HSD17B6: variants seen among roughly 807,000 people sequenced by gnomAD.
HSD17B6 encodes hydroxysteroid 17-beta dehydrogenase 6.
HSD17B6 carries 16 observed loss-of-function variants against 26.4 expected under a neutral mutation model. The ratio of observed to expected loss-of-function variants is 0.61; its 90% CI spans 0.41 to 0.92. The LOEUF is 0.92. Ranked by LOEUF, HSD17B6 falls within the 40% of genes least tolerant of loss-of-function variation. The pLI is 0.00. For missense variants in HSD17B6, 357 were observed against 386.1 expected (o/e 0.92, Z 0.63); for synonymous variants, 139 against 153.0 (o/e 0.91, Z 0.68).
intron 2 of HSD17B6, among the ~76,000 whole-genome samples, chr12:56,774,979 G>A (rs781698265): frequency 7.2e-5 from 11 of 152,096 alleles, no homozygotes; most frequent in Non-Finnish European, 1.6e-4. Flanking sequence ...AGGGAATAAT[G>A]ACAAGGAAAA....
Position 56,778,155 on chromosome 12 carries a change from T to C in HSD17B6, c.314-3819T>C, listed in dbSNP as rs536258629. Among the ~76,000 whole-genome samples the C allele has an allele frequency of 7.9e-5, 12 of 152,352 alleles. No homozygotes were observed. In the East Asian group the frequency reaches 2.1e-3, roughly 27 times the overall value. ...TCTATTACCCTTTTTATCTGTGCCC[T>C]TGGTTTCTTACTCCTCACATTTGAA... On this transcript the variant is annotated intron_variant, in intron 2 of 4. Transcript: ENST00000322165.
intron 3 of HSD17B6, among the ~76,000 whole-genome samples, chr12:56,783,047 A>G (rs911574568): frequency 2.0e-5 from 3 of 152,232 alleles, no homozygotes; most frequent in South Asian, 2.1e-4. Context: ...ACTTCTTTCT[A>G]CACAGACACG....
At chr12:56,787,092 A>G (rs763795599) in intron 4 of HSD17B6, 33 bp from the exon 5 acceptor site, 2 of 1,492,576 alleles carry the variant, frequency 1.3e-6, no homozygotes, top group South Asian at 2.3e-5. Flanking sequence ...AAGGAATAAG[A>G]TTGTTGACCA....
chr12:56,764,068 C>CAAAAAAAAAAAAAAAAAAAAAAAA (rs71081400), intron 1 of HSD17B6, among the ~76,000 whole-genome samples: 6 of 74,334 alleles, frequency 8.1e-5, no homozygotes, highest in Non-Finnish European at 1.2e-4. Context: ...GACCGTGTCT[C>CAAAAAAAAAAAAAAAAAAAAAAAA]AAAAAAAAAA....
chr12:56,777,364 A>AATTTTTT (rs1954614090), intron 2 of HSD17B6, among the ~76,000 whole-genome samples: 1 of 96,134 alleles, frequency 1.0e-5, no homozygotes, highest in South Asian at 2.7e-4. Flanking sequence ...CCAAAGTGTA[A>AATTTTTT]ATTTTTTTTT....
At chr12:56,783,256 C>A (rs1212221000) in intron 3 of HSD17B6, among the ~76,000 whole-genome samples, 2 of 149,072 alleles carry the variant, frequency 1.3e-5, no homozygotes, top group Non-Finnish European at 1.5e-5. Context: ...ACGGGGTGGC[C>A]GGGCGGGGGG....
Position 56,787,211 on chromosome 12 carries a change from G to A in HSD17B6, c.823G>A (p.Val275Met), listed in dbSNP as rs764849371. ...CTGCATGGAACATGCTCTGACATCG[G>A]TGCATCCGCGAACTCGATATTCAGC... Reference protein sequence around the residue: ...TDCMEHALTSVHPRTRYSAGW... With the variant: ...TDCMEHALTSMHPRTRYSAGW... Residue 275 changes from valine (V) to methionine (M), a missense_variant, in exon 5 of 5, where the codon GTG (valine) becomes ATG (methionine). Physicochemically the swap from Val to Met is conservative, Grantham distance 21 (BLOSUM62 1). Transcript: ENST00000322165. The A allele has an allele frequency of 5.0e-6, 8 of 1,614,024 alleles. No individual in the cohort carries two copies. In the African/African-American group the frequency reaches 6.7e-5, roughly 13 times the overall value.
In HSD17B6 at chr12:56,775,706, A is replaced by G. The variant is rs1266416631; in HGVS notation, c.313+1541A>G. 2.6e-5 allele frequency among the ~76,000 whole-genome samples: 4 copies of G among 152,220 alleles called. No individual in the cohort carries two copies. In the East Asian group the frequency reaches 7.7e-4, roughly 29 times the overall value. ...CAATGTTGATATGTTATCGTTAACT[A>G]AAGTCCATAGTTTACATTAGGGTTC... is the stretch of plus-strand genomic sequence containing the variant. On this transcript the variant is annotated intron_variant, in intron 2 of 4. Coordinates refer to ENST00000322165, the MANE Select transcript of HSD17B6 (RefSeq NM_003725.4).
chr12:56,785,349 A>G (rs1019362643), intron 4 of HSD17B6, among the ~76,000 whole-genome samples: 9 of 152,192 alleles, frequency 5.9e-5, no homozygotes, highest in Non-Finnish European at 1.3e-4. Flanking sequence ...ACATGTGGAG[A>G]TTATGGGACT....
intron 1 of HSD17B6, among the ~76,000 whole-genome samples, chr12:56,773,455 T>C (rs1954520287): frequency 1.3e-5 from 2 of 152,220 alleles, no homozygotes; most frequent in Admixed American, 6.5e-5. Context: ...TCTCAAGAAG[T>C]TCTGTGCTGC....
intron 1 of HSD17B6, among the ~76,000 whole-genome samples, chr12:56,766,195 C>A (rs1444046333): frequency 1.3e-5 from 2 of 152,048 alleles, no homozygotes; most frequent in Non-Finnish European, 1.5e-5. Flanking sequence ...AATGACCCCA[C>A]CCCATCTCCC....
intron 1 of HSD17B6, among the ~76,000 whole-genome samples, chr12:56,772,925 C>T (rs1482246462): frequency 6.6e-6 from 1 of 152,064 alleles, no homozygotes; most frequent in African/African-American, 2.4e-5. Flanking sequence ...CATAGACTAG[C>T]CTCATGCAGG....
chr12:56,787,474 A>T lies in HSD17B6; in HGVS notation c.*132A>T. The stretch of plus-strand genomic sequence containing the variant: ...TGCCTAAATTCATTTATCTGGCATC[A>T]TCAGAGTACTAACATGTTTATATTT... On this transcript the variant is annotated 3_prime_UTR_variant, in exon 5 of 5. Coordinates refer to ENST00000322165, the MANE Select transcript of HSD17B6 (RefSeq NM_003725.4). 1.6e-6 allele frequency: 1 copy of T among 634,328 alleles called. No individual in the cohort carries two copies. Among genetic ancestry groups the T allele is most frequent in the Non-Finnish European group, 2.8e-6 (1 of 361,298 alleles). 39.3% of individuals were successfully genotyped at this position (634,328 alleles called of 1,614,324 possible).
Position 56,769,460 on chromosome 12 carries a change from G to C in HSD17B6, c.-19-4374G>C, listed in dbSNP as rs144452131. On this transcript the variant is annotated intron_variant, in intron 1 of 4. Transcript: ENST00000322165. ...CAAGCAATGATGAAGCCCAAGATGG[G>C]GATCAGACCTGAAATAAACAGTGGA... 3.7e-4 allele frequency among the ~76,000 whole-genome samples: 57 copies of C among 152,198 alleles called. No homozygotes were observed. In the East Asian group the frequency reaches 0.011, roughly 28 times the overall value.
intron 2 of HSD17B6, among the ~76,000 whole-genome samples, chr12:56,775,345 T>C (rs1390925752): frequency 6.6e-6 from 1 of 152,148 alleles, no homozygotes; most frequent in Non-Finnish European, 1.5e-5. Flanking sequence ...ACCCTTTCAA[T>C]TAGCTGGGAT....
chr12:56,767,850 T>C (rs1954377312), intron 1 of HSD17B6, among the ~76,000 whole-genome samples: 2 of 148,270 alleles, frequency 1.3e-5, no homozygotes, highest in African/African-American at 4.9e-5. Context: ...TATAAAAATA[T>C]ATGTGTGTGT....
chr12:56,765,786 T>C (rs1954314899), intron 1 of HSD17B6, among the ~76,000 whole-genome samples: 1 of 152,060 alleles, frequency 6.6e-6, no homozygotes. Context: ...GGATTACAAG[T>C]GTGAGCCACT....
intron 2 of HSD17B6, 111 bp from the exon 3 acceptor site, chr12:56,781,863 G>A (rs1954721495): frequency 1.8e-6 from 2 of 1,090,590 alleles, no homozygotes; most frequent in Non-Finnish European, 2.7e-6. Flanking sequence ...AACTCTCATG[G>A]GGGTGGTTAG....
chr12:56,771,946 T>A (rs1047043458), intron 1 of HSD17B6, among the ~76,000 whole-genome samples: 1 of 152,144 alleles, frequency 6.6e-6, no homozygotes, highest in African/African-American at 2.4e-5. Flanking sequence ...TGGTAGTTCC[T>A]CTCTTGCTTG....
Sources: gnomAD v4.1 joint callset for allele counts (sites outside exome capture counted in the v4.1 genomes callset) on GRCh38, gnomAD v4.1.1 for gene constraint, MANE v1.5 for transcripts, NCBI Gene and HGNC (gene_info 2026-07-23, HGNC 2026-07-21) for gene names.